HEG1: variants seen among roughly 807,000 people sequenced by gnomAD.
The protein encoded by HEG1 is protein HEG homolog 1.
HEG1 carries 56 observed loss-of-function variants against 125.6 expected under a neutral mutation model. That is an observed-to-expected ratio of 0.45 (90% CI 0.36 to 0.56). The LOEUF is 0.56. HEG1 is among the 20% of genes least tolerant of loss of function. The pLI is 0.00. For synonymous variants in HEG1, 644 were observed against 668.5 expected, an observed-to-expected ratio of 0.96 and a Z score of 0.57; for missense variants, 1,523 against 1,670.0, an observed-to-expected ratio of 0.91 and a Z score of 1.53.
intron 14 of HEG1, among the ~76,000 whole-genome samples, chr3:124,984,029 C>T (rs371712164): frequency 1.3e-5 from 2 of 152,288 alleles, no homozygotes; most frequent in African/African-American, 4.8e-5. Context: ...TCCTCCTAAG[C>T]AGTTTAGTGC....
intron 14 of HEG1, among the ~76,000 whole-genome samples, chr3:124,980,716 G>A (rs550380244): frequency 2.6e-5 from 4 of 152,036 alleles, no homozygotes; most frequent in Middle Eastern, 3.4e-3. Context: ...ACGGGGTTTC[G>A]CTATGTTGGC....
intron 1 of HEG1, among the ~76,000 whole-genome samples, chr3:125,038,586 T>G (rs761147259): frequency 6.9e-4 from 105 of 152,122 alleles, no homozygotes; most frequent in Non-Finnish European, 1.3e-3. Context: ...GTGGGGACAA[T>G]GGGTCAAATG....
rs1335080379 is a variant in HEG1, at chr3:124,970,747, T to G, written c.4051A>C (p.Thr1351Pro). 2.5e-6 allele frequency: 4 copies of G among 1,610,676 alleles called. No individual in the cohort carries two copies. The highest frequency in any genetic ancestry group is 3.4e-6 in the Non-Finnish European group (4 of 1,178,642). ...LERNGLYPAY[T>P]GLPGSRHSCI... ...GAATGCCGTGATCCTGGCAGTCCAG[T>G]GTAGGCCGGGTAGAGTCCGTTTCGT... The change falls in exon 17 of 17, where the codon ACT (threonine) becomes CCT (proline). Residue 1351 changes from threonine to proline, a missense_variant. By Grantham distance (38) the Thr-to-Pro change is conservative. Coordinates refer to ENST00000311127, the MANE Select transcript of HEG1 (RefSeq NM_020733.2).
At chr3:125,008,257 CCTT>C (rs2107698757) in intron 8 of HEG1, among the ~76,000 whole-genome samples, 1 of 152,254 alleles carries the variant, frequency 6.6e-6, no homozygotes, top group South Asian at 2.1e-4. Context: ...ATTTCTAGAT[CCTT>C]CTTTTTGAAA....
chr3:124,993,916 C>A (rs1560019359), intron 12 of HEG1, among the ~76,000 whole-genome samples: 1 of 152,198 alleles, frequency 6.6e-6, no homozygotes, highest in Non-Finnish European at 1.5e-5. Flanking sequence ...TTCCGTTACG[C>A]ATCAGTGGTT....
At chr3:125,002,337 T>C (rs1201740440) in intron 9 of HEG1, 22 bp from the exon 10 acceptor site, 1 of 1,604,542 alleles carries the variant, frequency 6.2e-7, no homozygotes, top group Non-Finnish European at 8.5e-7. Context: ...AACAAGCCTG[T>C]CGTTAACAGT....
intron 1 of HEG1, among the ~76,000 whole-genome samples, chr3:125,048,839 G>T (rs1007076497): frequency 4.6e-5 from 7 of 152,150 alleles, no homozygotes; most frequent in Non-Finnish European, 1.0e-4. Context: ...CATGTATTCT[G>T]GAAACAGGAT....
chr3:124,985,652 C>A (rs146878911), intron 14 of HEG1, among the ~76,000 whole-genome samples: 62 of 152,256 alleles, frequency 4.1e-4, no homozygotes, highest in African/African-American at 1.5e-3. Flanking sequence ...AGATATTTTA[C>A]GTGTTTAAAA....
intron 14 of HEG1, among the ~76,000 whole-genome samples, chr3:124,988,211 G>C (rs72978601): frequency 0.027 from 4,032 of 151,818 alleles, 168 homozygotes; most frequent in African/African-American, 0.091. Flanking sequence ...CTGTAGACCA[G>C]GCAGCCCCTT....
At chr3:125,051,397 T>C (rs1290197405) in intron 1 of HEG1, among the ~76,000 whole-genome samples, 3 of 152,176 alleles carry the variant, frequency 2.0e-5, no homozygotes, top group African/African-American at 7.2e-5. Flanking sequence ...TGGTACCCCA[T>C]TTTACAGATG....
At chr3:124,985,833 A>T (rs1936729164) in intron 14 of HEG1, among the ~76,000 whole-genome samples, 1 of 152,210 alleles carries the variant, frequency 6.6e-6, no homozygotes, top group South Asian at 2.1e-4. Context: ...GCTGGAGTGC[A>T]ATAGTGCGAT....
chr3:125,035,682 A>G (rs1010454753), intron 1 of HEG1, among the ~76,000 whole-genome samples: 1 of 152,182 alleles, frequency 6.6e-6, no homozygotes, highest in Non-Finnish European at 1.5e-5. Flanking sequence ...ACAATTCTTA[A>G]TGAAAGATAT....
chr3:125,018,229 G>T (rs992220176), intron 5 of HEG1, among the ~76,000 whole-genome samples: 1 of 152,212 alleles, frequency 6.6e-6, no homozygotes, highest in African/African-American at 2.4e-5. Flanking sequence ...GTGATACAAC[G>T]TGGATGAACC....
chr3:125,019,655 C>T, intron 4 of HEG1, 58 bp from the exon 5 acceptor site: 3 of 1,414,096 alleles, frequency 2.1e-6, no homozygotes, highest in Non-Finnish European at 2.9e-6. Context: ...GATCCCTTGG[C>T]AACTAAGAAG....
chr3:124,993,122 T>G (rs73201558), intron 12 of HEG1, among the ~76,000 whole-genome samples: 6,042 of 152,236 alleles, frequency 0.04, 178 homozygotes, highest in East Asian at 0.12. Flanking sequence ...TTCAAAGTCA[T>G]GTTTCCCTTT....
intron 9 of HEG1, among the ~76,000 whole-genome samples, chr3:125,003,665 G>A (rs1002546755): frequency 1.3e-5 from 2 of 152,184 alleles, no homozygotes; most frequent in African/African-American, 4.8e-5. Context: ...AGAGGGGCTG[G>A]AGATTGAGGT....
At chr3:124,984,633 C>T (rs547082621) in intron 14 of HEG1, among the ~76,000 whole-genome samples, 12 of 152,026 alleles carry the variant, frequency 7.9e-5, no homozygotes, top group Admixed American at 2.6e-4. Flanking sequence ...GGTGGTGGGG[C>T]CTGTAATTCC....
rs191466494 is a variant in HEG1 at position 125,012,886 on chromosome 3, C to T, written c.2693G>A (p.Gly898Asp). The T allele has an allele frequency of 1.9e-5, 30 of 1,614,038 alleles. No homozygotes were observed. In the Admixed American group the frequency reaches 3.2e-4, roughly 17 times the overall value. Residue 898 changes from glycine (G) to aspartate (D), a missense_variant, in exon 6 of 17, where the codon GGC (glycine) becomes GAC (aspartate). Physicochemically the swap from Gly to Asp is moderately conservative, Grantham distance 94. Coordinates refer to ENST00000311127, the MANE Select transcript of HEG1 (RefSeq NM_020733.2). ...ILVPQISTEG[G>D]ISTERNRVIV... is the part of the protein sequence containing the mutation. ...CACTCGGTTCCTTTCTGTGCTGATG[C>T]CACCTTCTGTTGAGATTTGAGGAAC...
chr3:125,035,194 G>A (rs922368303), intron 1 of HEG1, among the ~76,000 whole-genome samples: 1 of 152,130 alleles, frequency 6.6e-6, no homozygotes, highest in African/African-American at 2.4e-5. Flanking sequence ...TCAAACTCCT[G>A]ACCTCAGGTG....
Sources: allele counts gnomAD v4.1 joint callset (sites outside exome capture counted in the v4.1 genomes callset), GRCh38; gene constraint gnomAD v4.1.1; transcripts MANE v1.5; gene names NCBI Gene and HGNC (gene_info 2026-07-23, HGNC 2026-07-21).